SMARCE1: variants seen among roughly 807,000 people sequenced by gnomAD.
SMARCE1 encodes SWI/SNF related BAF chromatin remodeling complex subunit E1.
Under a neutral mutation model 54.9 loss-of-function variants are expected in SMARCE1, and 13 were observed. The ratio of observed to expected loss-of-function variants is 0.24; its 90% confidence interval spans 0.15 to 0.38. SMARCE1 has a LOEUF of 0.38. Ranked by LOEUF, SMARCE1 falls within the 10% of genes least tolerant of loss-of-function variation. The pLI, the probability that SMARCE1 is intolerant of heterozygous loss-of-function variation, is 1.00. For missense variants in SMARCE1, 295 were observed against 523.8 expected (o/e 0.56, Z 4.26); for synonymous variants, 151 against 175.3 (o/e 0.86, Z 1.10).
At position 40,624,989 on chromosome 17, in the gene SMARCE1, G is replaced by A. The variant is rs973323469; in HGVS notation, c.*3796C>T. 9.9e-5 allele frequency: 15 copies of A among 152,188 alleles called. No individual in the cohort carries two copies. Among genetic ancestry groups the A allele is most frequent in the Admixed American group, 2.0e-4 (3 of 15,276 alleles). 9.4% of individuals were successfully genotyped at this position (152,188 alleles called of 1,614,324 possible). ...GTTTGAAATTTGCATTTTAATCAGC[G>A]TTTGGCTAACAATATGAGATAAACT... On this transcript the variant is annotated 3_prime_UTR_variant, in exon 11 of 11. Coordinates refer to ENST00000348513, the MANE Select transcript of SMARCE1 (RefSeq NM_003079.5).
At chr17:40,632,917 T>A (rs1567846065) in intron 7 of SMARCE1, 1 of 152,576 alleles carries the variant, frequency 6.6e-6, no homozygotes, top group Admixed American at 6.5e-5. Flanking sequence ...AATGTCTGAT[T>A]CCAAATTTAA....
chr17:40,643,767 A>G (rs2037221741), intron 3 of SMARCE1: 1 of 152,246 alleles, frequency 6.6e-6, no homozygotes, highest in Admixed American at 6.5e-5. Context: ...AGTACCCAAA[A>G]GAAAGACATT....
At chr17:40,629,696 T>C (rs1342382525) in intron 10 of SMARCE1, 3 of 401,982 alleles carry the variant, frequency 7.5e-6, no homozygotes, top group Non-Finnish European at 1.3e-5. Flanking sequence ...ACATGCCCCA[T>C]TCATAGATGC....
At chr17:40,637,139 C>A in intron 5 of SMARCE1, 1 of 224,044 alleles carries the variant, frequency 4.5e-6, no homozygotes, top group South Asian at 5.7e-5. Flanking sequence ...TTCAAACTAA[C>A]ATGTGGTTGC....
intron 10 of SMARCE1, 58 bp downstream of exon 10, chr17:40,630,656 T>C: frequency 7.0e-7 from 1 of 1,436,446 alleles, no homozygotes; most frequent in Non-Finnish European, 9.8e-7. Context: ...AAAACCTAAA[T>C]TAAAGACAGC....
intron 7 of SMARCE1, 154 bp from the exon 8 acceptor site, chr17:40,632,521 A>G (rs1423433930): frequency 1.6e-6 from 1 of 612,626 alleles, no homozygotes; most frequent in Middle Eastern, 4.0e-4. Context: ...CAGTTACTTG[A>G]TAAAAACCAT....
chr17:40,630,752 T>A lies in SMARCE1; in HGVS notation c.989A>T (p.Glu330Val). ...PEEEQAANKG[E>V]EKKDDENIPM... Reference sequence around the variant, plus strand: ...AATGTTCTCGTCGTCTTTCTTCTCCTCGCCTTTGTTAGCTGCTTGTTCTTC... The same window carrying A: ...AATGTTCTCGTCGTCTTTCTTCTCCACGCCTTTGTTAGCTGCTTGTTCTTC... The change falls in exon 10 of 11, where the codon GAG becomes GTG. Residue 330 changes from glutamate to valine, a missense_variant. By Grantham distance (121) the Glu-to-Val change is moderately radical. This residue lies in a region of SMARCE1 where 147 missense variants were observed against 161.4 expected (regional missense o/e 0.91). Coordinates refer to ENST00000348513, the MANE Select transcript of SMARCE1 (RefSeq NM_003079.5). The A allele has an allele frequency of 1.9e-6, 3 of 1,614,182 alleles. No individual in the cohort carries two copies. Among genetic ancestry groups the A allele is most frequent in the Non-Finnish European group, 2.5e-6 (3 of 1,180,034 alleles).
At position 40,625,421 on chromosome 17, in the gene SMARCE1, T is replaced by C. The variant is rs1333531569; in HGVS notation, c.*3364A>G. The C allele has an allele frequency of 6.6e-6, 1 of 152,244 alleles. No individual in the cohort carries two copies. The highest frequency in any genetic ancestry group is 6.5e-5 in the Admixed American group (1 of 15,288). 9.4% of individuals were successfully genotyped at this position (152,244 alleles called of 1,614,324 possible). A position where few individuals can be genotyped will look rare whatever the true frequency, so the allele number is the denominator to read the frequency against. On this transcript the variant is annotated 3_prime_UTR_variant, in exon 11 of 11. Transcript: ENST00000348513. ...AATGTGCAAATCATGAAGTCAGTTG[T>C]TGTTCCAGCAAGGTTTGCCCAGCGG...
chr17:40,631,032 C>G (rs149046203), intron 9 of SMARCE1, 108 bp from the exon 10 acceptor site: 43 of 775,738 alleles, frequency 5.5e-5, no homozygotes, highest in African/African-American at 5.1e-4. Context: ...ATATATATAT[C>G]TATACACCTG....
Position 40,646,983 on chromosome 17 carries a change from T to C in SMARCE1, c.-46+790A>G, listed in dbSNP as rs187378318. ...TCCTTTCTGCTCACATTAAGGGAGC[T>C]GTCAACATCCAGCAGGCCTCGCTGC... On this transcript the variant is annotated intron_variant, in intron 1 of 10. Transcript: ENST00000348513. Among the ~76,000 whole-genome samples, 42 of 150,722 alleles carry C rather than the reference T, an allele frequency of 2.8e-4. No homozygotes were observed. The East Asian group carries it at 7.3e-3, about 26-fold the overall frequency.
chr17:40,644,566 GTA>G (rs1038815138), intron 3 of SMARCE1: 1 of 150,788 alleles, frequency 6.6e-6, no homozygotes, highest in African/African-American at 2.4e-5. Context: ...TTTAGAGCCT[GTA>G]TATGACATAA....
rs141619224 is a variant in SMARCE1 at position 40,632,224 on chromosome 17, G to A, written c.685C>T (p.Arg229Trp). 1 of 1,613,374 alleles carries A rather than the reference G, an allele frequency of 6.2e-7. No individual in the cohort carries two copies. Among genetic ancestry groups the A allele is most frequent in the Non-Finnish European group, 8.5e-7 (1 of 1,179,746 alleles). Residue 229 changes from arginine (R) to tryptophan (W), a missense_variant, in exon 8 of 11, where the codon CGG becomes TGG. By Grantham distance (101) the Arg-to-Trp change is moderately radical (BLOSUM62 -3). Coordinates refer to ENST00000348513, the MANE Select transcript of SMARCE1 (RefSeq NM_003079.5). ...TGAACCATTAAGGACTGGACCTGCC[G>A]TTTGAGGACCTGCATTCTAGCTGTT... Reference protein sequence around the residue: ...VTTARMQVLKRQVQSLMVHQR... With the variant: ...VTTARMQVLKWQVQSLMVHQR...
At chr17:40,632,157 A>G in intron 8 of SMARCE1, 38 bp downstream of exon 8, 3 of 1,510,808 alleles carry the variant, frequency 2.0e-6, no homozygotes, top group South Asian at 1.2e-5. Context: ...TTTGTGGTAT[A>G]GGCACATCTT....
intron 1 of SMARCE1, chr17:40,647,513 C>T (rs1014816196): frequency 2.6e-5 from 4 of 152,336 alleles, no homozygotes; most frequent in African/African-American, 9.6e-5. Context: ...ACTTTACTAG[C>T]AACTCCCCTA....
rs1231574081 is a variant in SMARCE1, at chr17:40,642,587, C to T, written c.52-28G>A. ...GATGGAAACAAATGAGACAAAAACA[C>T]GAATGAGAAATGAGCTCAAACGAGG... On this transcript the variant is annotated intron_variant, in intron 3 of 10. Transcript: ENST00000348513. The surrounding 1 kb of genome is among the most constrained non-coding windows in gnomAD (Gnocchi z 4.6). 2.9e-6 allele frequency: 4 copies of T among 1,366,608 alleles called. No homozygotes were observed. The highest frequency in any genetic ancestry group is 1.4e-5 in the African/African-American group (1 of 69,626). 84.7% of individuals were successfully genotyped at this position (1,366,608 alleles called of 1,614,324 possible). A position where few individuals can be genotyped will look rare whatever the true frequency, so the allele number is the denominator to read the frequency against.
At chr17:40,643,532 A>T (rs1277156883) in intron 3 of SMARCE1, 1 of 152,224 alleles carries the variant, frequency 6.6e-6, no homozygotes, top group Non-Finnish European at 1.5e-5. Context: ...TGTTCATGAG[A>T]ACCAAGGCAT....
rs747192638 is a variant in SMARCE1, at chr17:40,628,869, A to G, written c.1152T>C (p.Asp384=). ...VDSMAEEGTS[D]SNTGSESNSA... is the part of the protein sequence containing the mutation. ...TGTTGCTCTCCGAGCCAGTGTTACT[A>G]TCACTGGTTCCTTCCTCTGCCATAC... Residue 384 remains aspartate, a synonymous_variant, in exon 11 of 11, where the codon GAT becomes GAC. Transcript: ENST00000348513. 5.0e-6 allele frequency: 8 copies of G among 1,613,838 alleles called. No homozygotes were observed. The highest frequency in any genetic ancestry group is 6.8e-6 in the Non-Finnish European group (8 of 1,179,822).
rs1213211505 is a variant in SMARCE1 at position 40,632,262 on chromosome 17, C to T, written c.647G>A (p.Arg216Gln). The T allele has an allele frequency of 6.2e-7, 1 of 1,613,756 alleles. No individual in the cohort carries two copies. Among genetic ancestry groups the T allele is most frequent in the Non-Finnish European group, 8.5e-7 (1 of 1,179,882 alleles). ...ILSESVVPDV[R>Q]SVVTTARMQV... ...CATTCTAGCTGTTGTGACAACTGAC[C>T]GAACGTCTGGCACCACACTCTCACT... is the stretch of plus-strand genomic sequence containing the variant. Residue 216 changes from arginine (R) to glutamine (Q), a missense_variant, in exon 8 of 11, where the codon CGG becomes CAG. Coordinates refer to ENST00000348513, the MANE Select transcript of SMARCE1 (RefSeq NM_003079.5).
At chr17:40,633,173 C>T (rs2037112741) in intron 7 of SMARCE1, 1 of 152,072 alleles carries the variant, frequency 6.6e-6, no homozygotes, top group African/African-American at 2.4e-5. Context: ...CCACGCCCGG[C>T]CAATTTTTGT....
Sources: gnomAD v4.1 joint callset for allele counts (sites outside exome capture counted in the v4.1 genomes callset) on GRCh38, gnomAD v4.1.1 for gene constraint, gnomAD v4.1.1 regional missense constraint, Gnocchi (gnomAD v3.1) non-coding constraint, MANE v1.5 for transcripts, NCBI Gene and HGNC (gene_info 2026-07-23, HGNC 2026-07-21) for gene names.